The following HMCN1 variants were observed in gnomAD, a reference collection of about 807,000 sequenced individuals.
HMCN1 encodes hemicentin 1, also known as hemicentin-1.
HMCN1 carries 321 observed loss-of-function variants against 625.9 expected under a neutral mutation model. The observed-to-expected ratio is 0.51, with a 90% CI of 0.47 to 0.56. The LOEUF (loss-of-function observed/expected upper bound fraction) is 0.56. Among genes scored for constraint, HMCN1 ranks in the 20% least tolerant of loss-of-function variants. HMCN1 has a pLI of 0.00. For synonymous variants in HMCN1, 2,425 were observed against 2,417.6 expected (o/e 1.00, Z -0.09); for missense variants, 6,588 against 6,887.3 (o/e 0.96, Z 1.54).
At chr1:186,161,287 A>G (rs1651457377) in intron 97 of HMCN1, among the ~76,000 whole-genome samples, 1 of 151,750 alleles carries the variant, frequency 6.6e-6, no homozygotes, top group African/African-American at 2.4e-5. Flanking sequence ...ATCTTCCTCC[A>G]TCCCTTTATT....
chr1:185,946,142 A>G (rs1668330202), intron 11 of HMCN1, among the ~76,000 whole-genome samples: 1 of 152,202 alleles, frequency 6.6e-6, no homozygotes, highest in Non-Finnish European at 1.5e-5. Context: ...TGAACTTCCA[A>G]GGCAAGCGTT....
chr1:185,982,443 T>A, intron 18 of HMCN1, 54 bp downstream of exon 18: 1 of 1,269,184 alleles, frequency 7.9e-7, no homozygotes, highest in Non-Finnish European at 1.1e-6. Context: ...TTTCTTTTCT[T>A]TTTTTTTTTT....
intron 1 of HMCN1, among the ~76,000 whole-genome samples, chr1:185,799,517 G>T (rs1322438196): frequency 6.6e-6 from 1 of 152,120 alleles, no homozygotes; most frequent in Non-Finnish European, 1.5e-5. Context: ...GGGGGAGTGG[G>T]GGCAAAAGTG....
intron 11 of HMCN1, among the ~76,000 whole-genome samples, chr1:185,957,416 A>G (rs954597267): frequency 1.3e-5 from 2 of 152,202 alleles, no homozygotes; most frequent in Admixed American, 6.6e-5. Context: ...TAAAGGTTAC[A>G]TAAGTGTGGG....
Position 185,782,108 on chromosome 1 carries a change from C to A in HMCN1, c.268+47061C>A, listed in dbSNP as rs1360221326. On this transcript the variant is annotated intron_variant, in intron 1 of 106. Coordinates refer to ENST00000271588, the MANE Select transcript of HMCN1 (RefSeq NM_031935.3). Reference sequence around the variant, plus strand: ...CCCTTTACCATTATGTAATGGCCTTCTTTGTCTCTTTTGATCTTTGTTGGT... The same window carrying A: ...CCCTTTACCATTATGTAATGGCCTTATTTGTCTCTTTTGATCTTTGTTGGT... Among the ~76,000 whole-genome samples, 5 of 152,158 alleles carry A rather than the reference C, an allele frequency of 3.3e-5. No individual in the cohort carries two copies. In the East Asian group the frequency reaches 9.6e-4, roughly 29 times the overall value.
At chr1:185,970,620 A>T in intron 15 of HMCN1, 127 bp downstream of exon 15, 1 of 795,034 alleles carries the variant, frequency 1.3e-6, no homozygotes, top group Non-Finnish European at 2.2e-6. Flanking sequence ...TGCATTTCAG[A>T]TTAATAGAAT....
At chr1:185,846,692 T>C (rs905593928) in intron 2 of HMCN1, among the ~76,000 whole-genome samples, 4 of 152,212 alleles carry the variant, frequency 2.6e-5, no homozygotes, top group South Asian at 2.1e-4. Flanking sequence ...CTACCTTCTA[T>C]GGTCTCTGCC....
chr1:186,009,393 G>C (rs748125428), intron 30 of HMCN1, among the ~76,000 whole-genome samples: 1 of 152,068 alleles, frequency 6.6e-6, no homozygotes, highest in South Asian at 2.1e-4. Flanking sequence ...TATAATTCAG[G>C]AAATAGTGTC....
chr1:185,767,797 G>A (rs947318818), intron 1 of HMCN1, among the ~76,000 whole-genome samples: 1 of 151,954 alleles, frequency 6.6e-6, no homozygotes, highest in African/African-American at 2.4e-5. Context: ...TTTAAATCAG[G>A]GCATTAATTT....
intron 32 of HMCN1, among the ~76,000 whole-genome samples, chr1:186,016,444 T>C (rs1215643002): frequency 6.6e-6 from 1 of 152,124 alleles, no homozygotes; most frequent in Admixed American, 6.6e-5. Flanking sequence ...CCACTGATTT[T>C]GATAAGTATA....
At position 186,136,953 on chromosome 1, in the gene HMCN1, G is replaced by A. The variant is rs1025300057; in HGVS notation, c.13582+16G>A. The A allele has an allele frequency of 1.2e-6, 2 of 1,611,858 alleles. No homozygotes were observed. The highest frequency in any genetic ancestry group is 1.7e-6 in the Non-Finnish European group (2 of 1,179,742). On this transcript the variant is annotated intron_variant, in intron 87 of 106. Transcript: ENST00000271588. ...ATAGTCCAGGGTGAGTGTGATCAGA[G>A]GAATATTCATAGTAAACAGTACCTG...
At chr1:186,160,441 G>GTTA (rs202143627) in intron 97 of HMCN1, among the ~76,000 whole-genome samples, 9,456 of 147,650 alleles carry the variant, frequency 0.064, 679 homozygotes, top group East Asian at 0.4. Flanking sequence ...TCTGATTTTA[G>GTTA]TTATTTCTTG....
At chr1:186,119,386 C>A in intron 78 of HMCN1, 88 bp downstream of exon 78, 1 of 961,846 alleles carries the variant, frequency 1.0e-6, no homozygotes, top group South Asian at 1.3e-5. Context: ...TAGGTACTGT[C>A]GAGAGCTATG....
Position 186,094,500 on chromosome 1 carries a change from G to T in HMCN1, c.10294+127G>T, listed in dbSNP as rs995420076. The T allele has an allele frequency of 4.1e-6, 3 of 731,712 alleles. No individual in the cohort carries two copies. In the African/African-American group the frequency reaches 5.2e-5, roughly 13 times the overall value. 45.3% of individuals were successfully genotyped at this position (731,712 alleles called of 1,614,324 possible). Reference sequence around the variant, plus strand: ...TTATCAAAAAGGATTAGTGAAATAGGATCTTACTGACTAGAGAATGTATTT... The same window carrying T: ...TTATCAAAAAGGATTAGTGAAATAGTATCTTACTGACTAGAGAATGTATTT... On this transcript the variant is annotated intron_variant, in intron 67 of 106. Coordinates refer to ENST00000271588, the MANE Select transcript of HMCN1 (RefSeq NM_031935.3).
At chr1:186,171,479 A>C in intron 101 of HMCN1, 29 bp downstream of exon 101, 1 of 1,461,154 alleles carries the variant, frequency 6.8e-7, no homozygotes, top group East Asian at 2.3e-5. Flanking sequence ...ATTTAAAGGA[A>C]TGACACCTCT....
chr1:185,954,934 G>A (rs1037105615), intron 11 of HMCN1, among the ~76,000 whole-genome samples: 1 of 152,134 alleles, frequency 6.6e-6, no homozygotes, highest in African/African-American at 2.4e-5. Flanking sequence ...ATTGCTGATA[G>A]GGATCAGTGT....
rs991971385 is a variant in HMCN1 at position 185,815,550 on chromosome 1, T to C, written c.269-30476T>C. 1.5e-4 allele frequency among the ~76,000 whole-genome samples: 22 copies of C among 150,114 alleles called. 2 individuals are homozygous for C. The highest frequency in any genetic ancestry group is 5.6e-4 in the African/African-American group (22 of 39,488). ...TATATTGAATAGGAATTTTTAATTA[T>C]CCACTTCTATTATGTACATTATTTG... On this transcript the variant is annotated intron_variant, in intron 1 of 106. Transcript: ENST00000271588.
intron 11 of HMCN1, among the ~76,000 whole-genome samples, chr1:185,958,517 T>C (rs1319180294): frequency 6.6e-6 from 1 of 152,204 alleles, no homozygotes; most frequent in Non-Finnish European, 1.5e-5. Context: ...TGCACAGATG[T>C]ATTTTAAATG....
intron 25 of HMCN1, 50 bp downstream of exon 25, chr1:185,997,574 A>G (rs1321126352): frequency 8.6e-6 from 11 of 1,283,764 alleles, no homozygotes; most frequent in Middle Eastern, 1.8e-4. Context: ...ATATGGTTTC[A>G]GAATGCTATA....
Sources: gnomAD v4.1 joint callset for allele counts (sites outside exome capture counted in the v4.1 genomes callset) on GRCh38, gnomAD v4.1.1 for gene constraint, MANE v1.5 for transcripts, NCBI Gene and HGNC (gene_info 2026-07-23, HGNC 2026-07-21) for gene names.